Variants in ECM2 observed in about 807,000 individuals in gnomAD.
ECM2 encodes the protein extracellular matrix protein 2, female organ and adipocyte specific.
A neutral mutation model predicts 67.5 loss-of-function variants in ECM2; 57 were observed. That is an observed-to-expected ratio of 0.84 (90% CI 0.68 to 1.05). The LOEUF is 1.05. Among genes scored for constraint, ECM2 ranks in the 50% least tolerant of loss-of-function variants. The pLI is 0.00. For missense variants in ECM2, 741 were observed against 822.8 expected, an observed-to-expected ratio of 0.90 and a Z score of 1.22; for synonymous variants, 258 against 294.5, an observed-to-expected ratio of 0.88 and a Z score of 1.27.
At position 92,512,058 on chromosome 9, in the gene ECM2, T is replaced by C; in HGVS notation, c.1123A>G (p.Ser375Gly). The change falls in exon 5 of 10, where the codon AGT (serine) becomes GGT (glycine). Residue 375 changes from serine to glycine, a missense_variant. Physicochemically the swap from Ser to Gly is moderately conservative, Grantham distance 56. Coordinates refer to ENST00000344604, the MANE Select transcript of ECM2 (RefSeq NM_001393.4). ...CCTGAAGAAGTGATATTATTTTTAC[T>C]CAGATCAAGCCTTTCCAAATTTGGT... ...GLPNLERLDL[S>G]KNNITSSGIG... 6.2e-7 allele frequency: 1 copy of C among 1,613,812 alleles called. No individual in the cohort carries two copies. Among genetic ancestry groups the C allele is most frequent in the Non-Finnish European group, 8.5e-7 (1 of 1,179,812 alleles).
intron 6 of ECM2, among the ~76,000 whole-genome samples, chr9:92,508,817 T>G (rs999614626): frequency 6.6e-6 from 1 of 152,158 alleles, no homozygotes; most frequent in Non-Finnish European, 1.5e-5. Flanking sequence ...ATAATTGAAT[T>G]GTTTTATTCC....
the ECM2 span, among the ~76,000 whole-genome samples, chr9:92,546,899 C>A: frequency 6.6e-6 from 1 of 152,084 alleles, no homozygotes. Flanking sequence ...ACAAGAGATA[C>A]CACAGGTCTC....
chr9:92,509,119 A>C (rs1449449276), intron 6 of ECM2, among the ~76,000 whole-genome samples: 1 of 151,696 alleles, frequency 6.6e-6, no homozygotes, highest in African/African-American at 2.4e-5. Context: ...GGCCATTTCC[A>C]GCAATGTCGA....
chr9:92,512,332 A>G (rs1021585210), intron 4 of ECM2, among the ~76,000 whole-genome samples: 4 of 152,196 alleles, frequency 2.6e-5, no homozygotes, highest in Non-Finnish European at 4.4e-5. Flanking sequence ...CATAGTTGAC[A>G]TTTTCTCTCT....
chr9:92,544,286 G>T, the ECM2 span, among the ~76,000 whole-genome samples: 1 of 152,242 alleles, frequency 6.6e-6, no homozygotes, highest in African/African-American at 2.4e-5. Context: ...GGCCAGCCTG[G>T]CTAACTTGAC....
chr9:92,548,512 T>TAGTA, the ECM2 span, among the ~76,000 whole-genome samples: 2 of 152,190 alleles, frequency 1.3e-5, no homozygotes, highest in African/African-American at 4.8e-5. Context: ...AACACAAATG[T>TAGTA]AGTACATCAA....
At chr9:92,540,801 A>C (rs1339050918), upstream of ECM2, among the ~76,000 whole-genome samples, 2 of 152,194 alleles carry the variant, frequency 1.3e-5, no homozygotes, top group South Asian at 2.1e-4. Flanking sequence ...TGAAGTGAGA[A>C]TATAATAAGG....
chr9:92,514,274 C>CTTT (rs1044226766), intron 4 of ECM2, among the ~76,000 whole-genome samples: 22 of 130,746 alleles, frequency 1.7e-4, no homozygotes, highest in African/African-American at 4.2e-4. Flanking sequence ...GAGTCATTTA[C>CTTT]TTTTTTTTTT....
upstream of ECM2, among the ~76,000 whole-genome samples, chr9:92,540,644 G>A (rs1253495541): frequency 4.0e-5 from 6 of 151,560 alleles, no homozygotes; most frequent in South Asian, 4.2e-4. Flanking sequence ...GGTGGCACGC[G>A]CCTGTAGTCG....
chr9:92,546,792 T>C, the ECM2 span, among the ~76,000 whole-genome samples: 1 of 152,212 alleles, frequency 6.6e-6, no homozygotes, highest in East Asian at 1.9e-4. Context: ...ATGAATAATT[T>C]CTTTAAAAAA....
intron 3 of ECM2, chr9:92,516,945 C>A (rs1029285040): frequency 2.0e-5 from 3 of 152,240 alleles, no homozygotes; most frequent in Non-Finnish European, 4.4e-5. Flanking sequence ...ATGTCCCTAT[C>A]CCTTCCCAGC....
intron 9 of ECM2, among the ~76,000 whole-genome samples, chr9:92,500,319 A>G (rs1394432350): frequency 6.6e-6 from 1 of 152,128 alleles, no homozygotes; most frequent in Non-Finnish European, 1.5e-5. Flanking sequence ...AGTAGCTGGC[A>G]TTACAGACAC....
intron 1 of ECM2, among the ~76,000 whole-genome samples, chr9:92,531,618 T>G (rs1848757541): frequency 6.6e-6 from 1 of 152,206 alleles, no homozygotes; most frequent in Non-Finnish European, 1.5e-5. Flanking sequence ...ATGCCATTAG[T>G]ACCTTCCTCC....
At chr9:92,516,879 C>G (rs1847759658) in intron 3 of ECM2, 1 of 152,200 alleles carries the variant, frequency 6.6e-6, no homozygotes, top group Non-Finnish European at 1.5e-5. Flanking sequence ...TAGACACCTA[C>G]CCTGTGATCA....
chr9:92,516,103 G>A (rs909363696), intron 3 of ECM2, among the ~76,000 whole-genome samples: 7 of 147,008 alleles, frequency 4.8e-5, no homozygotes, highest in African/African-American at 7.6e-5. Context: ...TTGCTCTGTC[G>A]CCCAGGCTGG....
intron 7 of ECM2, 150 bp from the exon 8 acceptor site, chr9:92,502,802 G>GTTT: frequency 2.6e-6 from 1 of 384,780 alleles, no homozygotes. Flanking sequence ...TTTTTAAGTT[G>GTTT]TCTTTTTTTT....
chr9:92,514,122 C>T (rs1847529587), intron 4 of ECM2, among the ~76,000 whole-genome samples: 1 of 131,328 alleles, frequency 7.6e-6, no homozygotes, highest in South Asian at 2.2e-4. Flanking sequence ...GAGAATCGTT[C>T]ACTTTTTTTT....
At chr9:92,536,327 GTTTATAC>G (rs548358182), upstream of ECM2, among the ~76,000 whole-genome samples, 9 of 152,248 alleles carry the variant, frequency 5.9e-5, no homozygotes, top group African/African-American at 2.2e-4. Flanking sequence ...AAATGTTAAA[GTTTATAC>G]TAGCCAGGAT....
the ECM2 span, among the ~76,000 whole-genome samples, chr9:92,554,849 G>C: frequency 6.6e-6 from 1 of 151,808 alleles, no homozygotes; most frequent in Admixed American, 6.6e-5. Context: ...TGTTGGCCAG[G>C]CTGGTCTCGA....
Sources: gnomAD v4.1 joint callset for allele counts (sites outside exome capture counted in the v4.1 genomes callset) on GRCh38, gnomAD v4.1.1 for gene constraint, MANE v1.5 for transcripts, NCBI Gene and HGNC (gene_info 2026-07-23, HGNC 2026-07-21) for gene names.